The following TEF variants were observed in gnomAD, a reference collection of about 807,000 sequenced individuals.
TEF encodes TEF transcription factor, PAR bZIP family member.
In TEF, 3 loss-of-function variants were observed where a neutral mutation model predicts 20.8. That is an observed-to-expected ratio of 0.14 (90% confidence interval 0.07 to 0.37). The LOEUF (loss-of-function observed/expected upper bound fraction) is 0.37, where lower values mean the gene tolerates loss of function less well. TEF is among the 10% of genes least tolerant of loss of function. TEF has a pLI of 1.00. For synonymous variants in TEF, 180 were observed against 171.1 expected, an observed-to-expected ratio of 1.05 and a Z score of -0.41; for missense variants, 296 against 397.9, an observed-to-expected ratio of 0.74 and a Z score of 2.18.
upstream of TEF, among the ~76,000 whole-genome samples, chr22:41,379,916 G>T (rs184320287): frequency 3.1e-5 from 4 of 127,116 alleles, no homozygotes; most frequent in African/African-American, 1.0e-4. Context: ...AAGAAAAAAA[G>T]AAAAGAAAAG....
chr22:41,381,281 C>A (rs2037015691), upstream of TEF, among the ~76,000 whole-genome samples: 1 of 152,184 alleles, frequency 6.6e-6, no homozygotes, highest in South Asian at 2.1e-4. Flanking sequence ...GTCCCCAGAA[C>A]AAAAAGACCC....
At chr22:41,385,716 CTT>C (rs1285267324) in intron 1 of TEF, among the ~76,000 whole-genome samples, 4 of 151,724 alleles carry the variant, frequency 2.6e-5, no homozygotes, top group African/African-American at 9.7e-5. Flanking sequence ...GAGTTTCACT[CTT>C]TGTGGCCCAG....
Position 41,387,609 on chromosome 22 carries a change from C to A in TEF, c.416C>A (p.Ala139Glu). Reference protein sequence around the residue: ...EGKESASSSTASPPSSSTAIF... With the variant: ...EGKESASSSTESPPSSSTAIF... ...AAGGAGTCTGCCAGCTCTTCCACAGCATCCCCACCATCCTCCTCCACTGCC... is the reference window on the plus strand; with the variant it reads ...AAGGAGTCTGCCAGCTCTTCCACAGAATCCCCACCATCCTCCTCCACTGCC... The change falls in exon 2 of 4, where the codon GCA (alanine) becomes GAA (glutamate). Residue 139 changes from alanine to glutamate, a missense_variant. Coordinates refer to ENST00000266304, the MANE Select transcript of TEF (RefSeq NM_003216.4). 2 of 1,614,216 alleles carry A rather than the reference C, an allele frequency of 1.2e-6. No individual in the cohort carries two copies. The highest frequency in any genetic ancestry group is 1.1e-5 in the South Asian group (1 of 91,082).
At chr22:41,376,398 G>A (rs571115411) in intron 1 of TEF, among the ~76,000 whole-genome samples, 7 of 152,236 alleles carry the variant, frequency 4.6e-5, no homozygotes, top group East Asian at 1.9e-4. Context: ...CACCATGCCC[G>A]GCTAGTTTTC....
At chr22:41,391,405 G>T (rs1012031173) in intron 2 of TEF, among the ~76,000 whole-genome samples, 1 of 148,338 alleles carries the variant, frequency 6.7e-6, no homozygotes, top group Non-Finnish European at 1.5e-5. Flanking sequence ...AGCTCGCTGC[G>T]ACCTCTGCCT....
chr22:41,387,348 C>T lies in TEF; in HGVS notation c.158-3C>T, dbSNP rs2037110346. ...TATTTCATCGCAGATTTTGTTTCTG[C>T]AGATAAGGAAAAGGGGAAGGAAAAG... On this transcript the variant is annotated splice_region_variant and splice_polypyrimidine_tract_variant and intron_variant, in intron 1 of 3. Coordinates refer to ENST00000266304, the MANE Select transcript of TEF (RefSeq NM_003216.4). 2 of 1,613,846 alleles carry T rather than the reference C, an allele frequency of 1.2e-6. No homozygotes were observed. Among genetic ancestry groups the T allele is most frequent in the Non-Finnish European group, 1.7e-6 (2 of 1,179,820 alleles).
At chr22:41,385,026 A>G (rs1206923653) in intron 1 of TEF, among the ~76,000 whole-genome samples, 2 of 152,252 alleles carry the variant, frequency 1.3e-5, no homozygotes, top group Admixed American at 6.5e-5. Flanking sequence ...AAGTGCTAGG[A>G]TACAGGCGTG....
rs541502690 is a variant in TEF at position 41,367,648 on chromosome 22, G to A, written c.67+49G>A. On this transcript the variant is annotated intron_variant, in intron 1 of 3. Coordinates refer to the TEF transcript ENST00000406644. ...TGATTGGCTGCCCAGGTACTCGAGG[G>A]GGCGAGGGGGCAGCCACAGGCACAG... The A allele has an allele frequency of 9.8e-6, 15 of 1,534,210 alleles. No individual in the cohort carries two copies. In the African/African-American group the frequency reaches 1.8e-4, roughly 18 times the overall value.
At chr22:41,393,260 C>G (rs2037188218) in intron 2 of TEF, among the ~76,000 whole-genome samples, 3 of 149,980 alleles carry the variant, frequency 2.0e-5, no homozygotes, top group African/African-American at 7.4e-5. Flanking sequence ...AGGATCACTC[C>G]AGCCCAGAAG....
chr22:41,367,595 A>G (rs890948776), exon 1 of TEF: 8 of 1,551,098 alleles, frequency 5.2e-6, no homozygotes, highest in Middle Eastern at 1.7e-4. Flanking sequence ...CAGAGAAGAG[A>G]ACAGGTAGGA....
rs553464679 is a variant in TEF, at chr22:41,368,803, G to A, written c.67+1204G>A. Among the ~76,000 whole-genome samples, 8 of 152,260 alleles carry A rather than the reference G, an allele frequency of 5.3e-5. No individual in the cohort carries two copies. In the East Asian group the frequency reaches 5.8e-4, roughly 11 times the overall value. On this transcript the variant is annotated intron_variant, in intron 1 of 3. Coordinates refer to the TEF transcript ENST00000406644. The stretch of plus-strand genomic sequence containing the variant: ...CTCTGAGAAGAGTGTCACAGAAGGC[G>A]CTCCTGTGGCCTCCTAGCACTGGGG...
In TEF at chr22:41,383,040, G is replaced by A. The variant is rs781231477; in HGVS notation, c.157+839G>A. 17 of 470,834 alleles carry A rather than the reference G, an allele frequency of 3.6e-5. 1 individual carries two copies. Among genetic ancestry groups the A allele is most frequent in the Non-Finnish European group, 7.0e-5 (16 of 226,994 alleles). The allele number at this position is 470,834 out of a possible 1,614,324, so 29.2% of individuals were successfully genotyped here. On this transcript the variant is annotated intron_variant, in intron 1 of 3. Coordinates refer to ENST00000266304, the MANE Select transcript of TEF (RefSeq NM_003216.4). ...GATGGGGTGCAGGGAGCAGCAGGAG[G>A]GCCGCCTGTGGTGGGGTTGTGGGTG...
chr22:41,387,686 G>A lies in TEF; in HGVS notation c.475+18G>A, dbSNP rs372197600. The A allele has an allele frequency of 3.0e-4, 481 of 1,596,330 alleles. No individual in the cohort carries two copies. Among genetic ancestry groups the A allele is most frequent in the African/African-American group, 2.1e-3 (158 of 74,648 alleles). Reference sequence around the variant, plus strand: ...CAGCACAGGTTGGTGAAAGGCCATCGAGGAGGGCCACCTGTCCCATCCAGG... The same window carrying A: ...CAGCACAGGTTGGTGAAAGGCCATCAAGGAGGGCCACCTGTCCCATCCAGG... On this transcript the variant is annotated intron_variant, in intron 2 of 3. Coordinates refer to ENST00000266304, the MANE Select transcript of TEF (RefSeq NM_003216.4).
upstream of TEF, among the ~76,000 whole-genome samples, chr22:41,381,772 G>A (rs2037027312): frequency 6.6e-6 from 1 of 152,156 alleles, no homozygotes; most frequent in African/African-American, 2.4e-5. Flanking sequence ...TATCCCGGCT[G>A]CCCGACCAAT....
intron 2 of TEF, among the ~76,000 whole-genome samples, chr22:41,388,379 G>A (rs1039752480): frequency 9.2e-5 from 14 of 151,556 alleles, no homozygotes; most frequent in Non-Finnish European, 4.4e-5. Flanking sequence ...TCCATCTCCC[G>A]GATTGAAGCG....
chr22:41,395,494 A>G (rs2037216267), intron 3 of TEF, among the ~76,000 whole-genome samples: 1 of 152,180 alleles, frequency 6.6e-6, no homozygotes, highest in African/African-American at 2.4e-5. Context: ...AGCAGCAGGT[A>G]CCAGGCCTCC....
chr22:41,382,215 G>T lies in TEF; in HGVS notation c.157+14G>T, dbSNP rs962939082. Reference sequence around the variant, plus strand: ...AGGCGCGCCTCGGTGAGGGCGGGGGGGTGGTCCGCGCGGGCTGGGGGCGGG... The same window carrying T: ...AGGCGCGCCTCGGTGAGGGCGGGGGTGTGGTCCGCGCGGGCTGGGGGCGGG... On this transcript the variant is annotated intron_variant, in intron 1 of 3. Coordinates refer to ENST00000266304, the MANE Select transcript of TEF (RefSeq NM_003216.4). 1.4e-5 allele frequency: 17 copies of T among 1,229,796 alleles called. No homozygotes were observed. Among genetic ancestry groups the T allele is most frequent in the Non-Finnish European group, 1.7e-5 (17 of 986,696 alleles). The allele number at this position is 1,229,796 out of a possible 1,614,324, so 76.2% of individuals were successfully genotyped here. A position where few individuals can be genotyped will look rare whatever the true frequency, so the allele number is the denominator to read the frequency against.
intron 1 of TEF, among the ~76,000 whole-genome samples, chr22:41,370,627 G>A (rs1046194329): frequency 5.3e-5 from 8 of 151,656 alleles, no homozygotes; most frequent in African/African-American, 1.9e-4. Context: ...GGCCAGGCTG[G>A]TCTCAAACTC....
upstream of TEF, among the ~76,000 whole-genome samples, chr22:41,378,957 T>C (rs1194683481): frequency 6.6e-6 from 1 of 152,242 alleles, no homozygotes; most frequent in Non-Finnish European, 1.5e-5. Flanking sequence ...TCTGGGATAA[T>C]GGATATGCCA....
Sources: gnomAD v4.1 joint callset for allele counts (sites outside exome capture counted in the v4.1 genomes callset) on GRCh38, gnomAD v4.1.1 for gene constraint, MANE v1.5 for transcripts, NCBI Gene and HGNC (gene_info 2026-07-23, HGNC 2026-07-21) for gene names.